Variants in ASTN2 observed in about 807,000 individuals in gnomAD.
The protein encoded by ASTN2 is astrotactin-2.
A neutral mutation model predicts 139.8 loss-of-function variants in ASTN2; 54 were observed. The observed-to-expected ratio is 0.39, with a 90% confidence interval of 0.31 to 0.48. ASTN2 has a LOEUF of 0.48. Among genes scored for constraint, ASTN2 ranks in the 20% least tolerant of loss-of-function variants. The pLI, the probability that ASTN2 is intolerant of heterozygous loss-of-function variation, is 0.95. For missense variants in ASTN2, 1,565 were observed against 1,725.1 expected (o/e 0.91, Z 1.64); for synonymous variants, 756 against 719.5 (o/e 1.05, Z -0.81).
intron 6 of ASTN2, among the ~76,000 whole-genome samples, chr9:117,011,052 G>C (rs1368015478): frequency 3.3e-5 from 5 of 152,186 alleles, no homozygotes; most frequent in Non-Finnish European, 4.4e-5. Context: ...GGAAACCTGA[G>C]TGCAGCATCA....
At chr9:117,382,814 A>T (rs1268304386) in intron 1 of ASTN2, among the ~76,000 whole-genome samples, 1 of 152,186 alleles carries the variant, frequency 6.6e-6, no homozygotes, top group Non-Finnish European at 1.5e-5. Flanking sequence ...ACGAGTTCAA[A>T]GGAGGAAAAC....
intron 16 of ASTN2, among the ~76,000 whole-genome samples, chr9:116,692,881 T>C (rs1328535429): frequency 6.6e-6 from 1 of 152,158 alleles, no homozygotes; most frequent in Admixed American, 6.5e-5. Flanking sequence ...ATTCTAGCAT[T>C]TCATACTTAG....
intron 3 of ASTN2, chr9:117,197,075 G>A (rs1450215102): frequency 2.0e-5 from 3 of 152,184 alleles, no homozygotes; most frequent in Non-Finnish European, 4.4e-5. Flanking sequence ...GTACAAAGAT[G>A]TTTGTTGACC....
At chr9:116,804,048 G>T (rs145325727) in intron 13 of ASTN2, among the ~76,000 whole-genome samples, 55 of 152,060 alleles carry the variant, frequency 3.6e-4, no homozygotes, top group African/African-American at 1.2e-3. Flanking sequence ...TACCTAAAGT[G>T]TCAGAGGGGC....
chr9:116,602,677 C>T (rs1246282588), intron 19 of ASTN2, among the ~76,000 whole-genome samples: 1 of 151,982 alleles, frequency 6.6e-6, no homozygotes, highest in African/African-American at 2.4e-5. Flanking sequence ...ATTTGTAATC[C>T]CAGCACTTTG....
At chr9:116,779,450 G>T (rs1353787926) in intron 13 of ASTN2, among the ~76,000 whole-genome samples, 1 of 151,710 alleles carries the variant, frequency 6.6e-6, no homozygotes, top group Non-Finnish European at 1.5e-5. Flanking sequence ...CCAGCCTCCA[G>T]GAGCATGAAA....
intron 17 of ASTN2, among the ~76,000 whole-genome samples, chr9:116,634,064 G>A (rs1856938937): frequency 6.6e-6 from 1 of 152,102 alleles, no homozygotes; most frequent in African/African-American, 2.4e-5. Context: ...AAATTCCAGT[G>A]CTATCACTAA....
At chr9:116,986,999 A>T (rs1286025924) in intron 7 of ASTN2, among the ~76,000 whole-genome samples, 1 of 152,180 alleles carries the variant, frequency 6.6e-6, no homozygotes, top group Admixed American at 6.5e-5. Flanking sequence ...TTCTGCAGGT[A>T]TGAAGAAGCA....
At chr9:116,799,707 G>GGC (rs1564273625) in intron 13 of ASTN2, among the ~76,000 whole-genome samples, 1 of 55,428 alleles carries the variant, frequency 1.8e-5, no homozygotes, top group East Asian at 2.0e-3. Context: ...GTAAGAGAGT[G>GGC]GGGGGGGGGA....
chr9:117,142,350 A>G lies in ASTN2; in HGVS notation c.1016-872T>C, dbSNP rs1395535839. Among the ~76,000 whole-genome samples, 15 of 152,238 alleles carry G rather than the reference A, an allele frequency of 9.9e-5. 1 individual carries two copies. Among genetic ancestry groups the G allele is most frequent in the Admixed American group, 9.8e-4 (15 of 15,284 alleles). ...ACTGAGGCTTTGGAAGTAGCCAGTC[A>G]AAGGCAATGGTGGTCTGAACCAGGG... On this transcript the variant is annotated intron_variant, in intron 3 of 22. Transcript: ENST00000313400.
At chr9:116,619,643 C>G (rs1331615450) in intron 18 of ASTN2, among the ~76,000 whole-genome samples, 1 of 151,684 alleles carries the variant, frequency 6.6e-6, no homozygotes, top group Non-Finnish European at 1.5e-5. Flanking sequence ...ACCACCTCAG[C>G]CTCCATAGTA....
Position 117,317,668 on chromosome 9 carries a change from C to T in ASTN2, c.443-26155G>A, listed in dbSNP as rs548925806. Among the ~76,000 whole-genome samples, 8 of 152,286 alleles carry T rather than the reference C, an allele frequency of 5.3e-5. No individual in the cohort carries two copies. In the South Asian group the frequency reaches 1.2e-3, roughly 24 times the overall value. On this transcript the variant is annotated intron_variant, in intron 1 of 22. Coordinates refer to ENST00000313400, the MANE Select transcript of ASTN2 (RefSeq NM_001365068.1). ...GCTCTTTTTAAAGATGCTTTAAGTG[C>T]CCCTGGGAGTCTGTAGATTCTCCTG... is the stretch of plus-strand genomic sequence containing the variant.
At chr9:116,775,065 G>A (rs1830045411) in intron 13 of ASTN2, among the ~76,000 whole-genome samples, 1 of 152,114 alleles carries the variant, frequency 6.6e-6, no homozygotes. Context: ...ACCATGAGCA[G>A]GTAATAGAAT....
chr9:117,285,305 C>CT (rs1352042149), intron 2 of ASTN2, among the ~76,000 whole-genome samples: 10 of 122,634 alleles, frequency 8.2e-5, no homozygotes, highest in South Asian at 5.6e-4. Context: ...TTTTCTATCT[C>CT]TTTTTTTTCT....
At position 116,606,550 on chromosome 9, in the gene ASTN2, A is replaced by G. The variant is rs1466574185; in HGVS notation, c.3355+11774T>C. 4.6e-5 allele frequency among the ~76,000 whole-genome samples: 7 copies of G among 152,350 alleles called. No individual in the cohort carries two copies. The East Asian group carries it at 1.4e-3, about 29-fold the overall frequency. On this transcript the variant is annotated intron_variant, in intron 19 of 22. Transcript: ENST00000313400. ...TGGACTTGGCTGCCAGCAAAAATTC[A>G]GAGAGATCAAAGGATAAAGCCTATG...
chr9:116,506,944 T>C (rs898217855), intron 19 of ASTN2, among the ~76,000 whole-genome samples: 1 of 152,128 alleles, frequency 6.6e-6, no homozygotes. Flanking sequence ...CTCATCTATT[T>C]AAAGAATTCT....
At position 117,225,549 on chromosome 9, in the gene ASTN2, A is replaced by G. The variant is rs1201650467; in HGVS notation, c.631-10807T>C. 8.7e-3 allele frequency among the ~76,000 whole-genome samples: 687 copies of G among 79,390 alleles called. 64 individuals are homozygous for G. Among genetic ancestry groups the G allele is most frequent in the African/African-American group, 0.042 (510 of 12,010 alleles). The allele number at this position is 79,390 out of a possible 152,430, so 52.1% of individuals were successfully genotyped here. On this transcript the variant is annotated intron_variant, in intron 2 of 22. Transcript: ENST00000313400. The stretch of plus-strand genomic sequence containing the variant: ...CCAAGCTGTATGTATATATATATAT[A>G]TATATATATATATATATATATATAT...
chr9:116,775,080 G>A (rs1208791520), intron 13 of ASTN2, among the ~76,000 whole-genome samples: 1 of 152,066 alleles, frequency 6.6e-6, no homozygotes, highest in Non-Finnish European at 1.5e-5. Flanking sequence ...TAGAATTTCA[G>A]GGACACATAA....
At chr9:116,902,319 A>T (rs1402555441) in intron 10 of ASTN2, among the ~76,000 whole-genome samples, 4 of 152,186 alleles carry the variant, frequency 2.6e-5, no homozygotes, top group African/African-American at 9.6e-5. Context: ...ATAAAAATAG[A>T]AAAAAGGTTT....
Sources: gnomAD v4.1 joint callset for allele counts (sites outside exome capture counted in the v4.1 genomes callset) on GRCh38, gnomAD v4.1.1 for gene constraint, MANE v1.5 for transcripts, NCBI Gene and HGNC (gene_info 2026-07-23, HGNC 2026-07-21) for gene names.